Variants in N4BP2 observed in about 807,000 individuals in gnomAD.
N4BP2 encodes the protein NEDD4 binding protein 2, also known as NEDD4-binding protein 2.
N4BP2 carries 91 observed loss-of-function variants against 152.8 expected under a neutral mutation model. The ratio of observed to expected loss-of-function variants is 0.60; its 90% CI spans 0.50 to 0.71. N4BP2 has a LOEUF of 0.71. N4BP2 is among the 30% of genes least tolerant of loss of function. The pLI is 0.00. For synonymous variants in N4BP2, 646 were observed against 705.3 expected, an observed-to-expected ratio of 0.92 and a Z score of 1.33; for missense variants, 1,923 against 2,059.1, an observed-to-expected ratio of 0.93 and a Z score of 1.28.
intron 3 of N4BP2, among the ~76,000 whole-genome samples, chr4:40,100,805 T>C (rs1373778218): frequency 1.3e-5 from 2 of 152,238 alleles, no homozygotes; most frequent in African/African-American, 4.8e-5. Flanking sequence ...TTAACTTCAT[T>C]TCTTCATCTG....
intron 2 of N4BP2, among the ~76,000 whole-genome samples, chr4:40,074,647 CATAAAGA>C (rs768014631): frequency 1.3e-5 from 2 of 152,182 alleles, no homozygotes; most frequent in Non-Finnish European, 2.9e-5. Context: ...ACTGAGGAAG[CATAAAGA>C]ACTGAATTGT....
intron 9 of N4BP2, 64 bp from the exon 10 acceptor site, chr4:40,123,063 A>G (rs1718079973): frequency 2.9e-6 from 3 of 1,023,014 alleles, no homozygotes; most frequent in African/African-American, 3.2e-5. Flanking sequence ...GTGGTTTAGT[A>G]TGTTTTCTGC....
intron 8 of N4BP2, among the ~76,000 whole-genome samples, chr4:40,119,291 C>G (rs766274512): frequency 6.6e-6 from 1 of 151,914 alleles, no homozygotes; most frequent in Non-Finnish European, 1.5e-5. Flanking sequence ...GTTGGGACTT[C>G]GAGCACTCCT....
intron 14 of N4BP2, among the ~76,000 whole-genome samples, chr4:40,140,862 C>A (rs1029659112): frequency 1.3e-5 from 2 of 150,670 alleles, no homozygotes; most frequent in Non-Finnish European, 3.0e-5. Flanking sequence ...TCCATTTAAC[C>A]CTGAGTGGAC....
chr4:40,111,825 A>T (rs1047657959), intron 5 of N4BP2, among the ~76,000 whole-genome samples: 1 of 151,948 alleles, frequency 6.6e-6, no homozygotes, highest in Non-Finnish European at 1.5e-5. Context: ...CATGTTGGCC[A>T]GGCTGGTCTT....
rs140487761 is a variant in N4BP2 at position 40,138,038 on chromosome 4, A to G, written c.4785+956A>G. Reference sequence around the variant, plus strand: ...AGCTAAACCTGAGGGGGTTGTGAGAATGGATGGAGATGAGGGGGCAGGAGG... The same window carrying G: ...AGCTAAACCTGAGGGGGTTGTGAGAGTGGATGGAGATGAGGGGGCAGGAGG... On this transcript the variant is annotated intron_variant, in intron 14 of 17. Transcript: ENST00000261435. Among the ~76,000 whole-genome samples, 359 of 152,294 alleles carry G rather than the reference A, an allele frequency of 2.4e-3. 1 individual carries two copies. The highest frequency in any genetic ancestry group is 8.2e-3 in the African/African-American group (340 of 41,564).
At position 40,156,459 on chromosome 4, in the gene N4BP2, A is replaced by G. The variant is rs1403032720; in HGVS notation, c.*2222A>G. ...TTGATAAATATACAGGCAAAGTTTGAGCATCATATGTATTTTTATGAAGCT... is the reference window on the plus strand; with the variant it reads ...TTGATAAATATACAGGCAAAGTTTGGGCATCATATGTATTTTTATGAAGCT... On this transcript the variant is annotated 3_prime_UTR_variant, in exon 18 of 18. Transcript: ENST00000261435. The G allele has an allele frequency of 1.3e-5, 2 of 152,156 alleles. No homozygotes were observed. The highest frequency in any genetic ancestry group is 1.9e-4 in the East Asian group (1 of 5,200). 9.4% of individuals were successfully genotyped at this position (152,156 alleles called of 1,614,324 possible).
Position 40,102,633 on chromosome 4 carries a change from A to T in N4BP2, c.788A>T (p.Asn263Ile), listed in dbSNP as rs531342876. The change falls in exon 4 of 18, where the codon AAT (asparagine) becomes ATT (isoleucine). Residue 263 changes from asparagine to isoleucine, a missense_variant. By Grantham distance (149) the Asn-to-Ile change is moderately radical. Coordinates refer to ENST00000261435, the MANE Select transcript of N4BP2 (RefSeq NM_018177.6). ...TCCATCGCAGGTTGTAGCAGTCTCA[A>T]TCAAAAACAGAAAGAACTTTTAGAA... ...SDSIAGCSSL[N>I]QKQKELLESE... The T allele has an allele frequency of 6.1e-5, 98 of 1,614,218 alleles. 1 individual carries two copies. The South Asian group carries it at 1.0e-3, about 17-fold the overall frequency.
At chr4:40,187,287 AAAAC>A in the N4BP2 span, among the ~76,000 whole-genome samples, 20,081 of 152,110 alleles carry the variant, frequency 0.13, 1,561 homozygotes, top group Non-Finnish European at 0.17. Context: ...GGAATCTTTA[AAAAC>A]AAACAAACAA....
intron 2 of N4BP2, among the ~76,000 whole-genome samples, chr4:40,095,144 C>A (rs753259182): frequency 6.6e-5 from 10 of 151,478 alleles, no homozygotes; most frequent in Non-Finnish European, 1.2e-4. Flanking sequence ...AGTGTAATGG[C>A]GCTATCTTGG....
intron 2 of N4BP2, among the ~76,000 whole-genome samples, chr4:40,092,046 A>ATATATATG (rs1491152490): frequency 7.2e-5 from 7 of 97,466 alleles, no homozygotes; most frequent in Non-Finnish European, 1.0e-4. Flanking sequence ...ATATATATAT[A>ATATATATG]GCTGAATTTT....
chr4:40,069,824 G>C (rs1469779533), intron 1 of N4BP2, among the ~76,000 whole-genome samples: 1 of 152,134 alleles, frequency 6.6e-6, no homozygotes, highest in Non-Finnish European at 1.5e-5. Flanking sequence ...TTGGGAAGCT[G>C]ATGCAGGAGT....
chr4:40,153,052 C>T, intron 17 of N4BP2, 149 bp downstream of exon 17: 1 of 581,200 alleles, frequency 1.7e-6, no homozygotes, highest in Non-Finnish European at 2.8e-6. Flanking sequence ...TCAGAACAAT[C>T]TGTTAAAATA....
intron 2 of N4BP2, among the ~76,000 whole-genome samples, chr4:40,078,174 T>A (rs1210015284): frequency 2.0e-5 from 3 of 151,854 alleles, no homozygotes; most frequent in Non-Finnish European, 4.4e-5. Flanking sequence ...ATTATTATTT[T>A]TTGAGACAGT....
intron 12 of N4BP2, 70 bp from the exon 13 acceptor site, chr4:40,131,731 C>A: frequency 1.8e-6 from 2 of 1,111,306 alleles, no homozygotes; most frequent in Non-Finnish European, 2.7e-6. Context: ...ACAAGTTAAC[C>A]ATGCCTTTGG....
At chr4:40,068,115 T>C (rs1452531924) in intron 1 of N4BP2, among the ~76,000 whole-genome samples, 1 of 152,228 alleles carries the variant, frequency 6.6e-6, no homozygotes, top group African/African-American at 2.4e-5. Flanking sequence ...TGTGTATATC[T>C]TCTTTGGAGA....
the N4BP2 span, among the ~76,000 whole-genome samples, chr4:40,178,693 G>C: frequency 1.3e-5 from 2 of 152,226 alleles, no homozygotes; most frequent in East Asian, 3.8e-4. Flanking sequence ...GTTTTGGAAA[G>C]GTTTGAACAG....
chr4:40,184,925 C>T, the N4BP2 span, among the ~76,000 whole-genome samples: 5 of 151,846 alleles, frequency 3.3e-5, no homozygotes, highest in Admixed American at 2.6e-4. Context: ...CACTGCACTC[C>T]AGCCTGGGCA....
chr4:40,124,123 C>A, intron 10 of N4BP2, 37 bp from the exon 11 acceptor site: 1 of 1,566,824 alleles, frequency 6.4e-7, no homozygotes, highest in Non-Finnish European at 8.8e-7. Flanking sequence ...TAATGCACTC[C>A]CTGTTTGCCA....
Sources: allele counts gnomAD v4.1 joint callset (sites outside exome capture counted in the v4.1 genomes callset), GRCh38; gene constraint gnomAD v4.1.1; transcripts MANE v1.5; gene names NCBI Gene and HGNC (gene_info 2026-07-23, HGNC 2026-07-21).